RFX3: variants seen among roughly 807,000 people sequenced by gnomAD.
The protein encoded by RFX3 is regulatory factor X3.
A neutral mutation model predicts 98.6 loss-of-function variants in RFX3; 14 were observed. That is an observed-to-expected ratio of 0.14 (90% CI 0.09 to 0.22). RFX3 has a LOEUF of 0.22. Ranked by LOEUF, RFX3 falls within the 10% of genes least tolerant of loss-of-function variation. The probability of loss-of-function intolerance (pLI) is 1.00; values close to 1 mark genes in which losing one functional copy is unlikely to be tolerated. For synonymous variants in RFX3, 383 were observed against 328.4 expected, an observed-to-expected ratio of 1.17 and a Z score of -1.80; for missense variants, 639 against 926.9, an observed-to-expected ratio of 0.69 and a Z score of 4.03.
chr9:3,371,813 C>A (rs956867674), intron 2 of RFX3, among the ~76,000 whole-genome samples: 5 of 152,160 alleles, frequency 3.3e-5, no homozygotes, highest in African/African-American at 1.2e-4. Flanking sequence ...TGGGAACAGA[C>A]ACTTTCAGTA....
intron 1 of RFX3, among the ~76,000 whole-genome samples, chr9:3,398,374 C>T (rs1329467284): frequency 6.6e-6 from 1 of 151,958 alleles, no homozygotes; most frequent in African/African-American, 2.4e-5. Flanking sequence ...AAAGCAAAAG[C>T]CAGGGTCCTT....
At chr9:3,310,065 A>AAAAC (rs1829784454) in intron 4 of RFX3, among the ~76,000 whole-genome samples, 1 of 152,216 alleles carries the variant, frequency 6.6e-6, no homozygotes, top group Non-Finnish European at 1.5e-5. Flanking sequence ...AATCTTCAGT[A>AAAAC]AAACCTATGC....
At chr9:3,289,532 G>A (rs1273685284) in intron 6 of RFX3, among the ~76,000 whole-genome samples, 1 of 152,098 alleles carries the variant, frequency 6.6e-6, no homozygotes, top group Non-Finnish European at 1.5e-5. Context: ...AGGACAGTAG[G>A]GAGTAGAGGT....
intron 1 of RFX3, among the ~76,000 whole-genome samples, chr9:3,419,925 C>T (rs749502349): frequency 1.1e-4 from 16 of 152,120 alleles, no homozygotes; most frequent in Admixed American, 2.0e-4. Context: ...GAAGGCAAAC[C>T]GTAAAATTCC....
intron 1 of RFX3, among the ~76,000 whole-genome samples, chr9:3,432,431 G>C (rs1184684255): frequency 6.6e-6 from 1 of 152,168 alleles, no homozygotes; most frequent in Non-Finnish European, 1.5e-5. Context: ...CACCATTGAA[G>C]AGACCATGGT....
intron 14 of RFX3, among the ~76,000 whole-genome samples, chr9:3,253,026 G>A (rs576153577): frequency 3.8e-4 from 58 of 152,134 alleles, no homozygotes; most frequent in African/African-American, 1.3e-3. Flanking sequence ...TCAGACTTCC[G>A]TAAGAAATGT....
chr9:3,463,924 G>T (rs541246672), intron 1 of RFX3, among the ~76,000 whole-genome samples: 2 of 152,176 alleles, frequency 1.3e-5, no homozygotes, highest in Admixed American at 6.5e-5. Flanking sequence ...AGGGAGCTGT[G>T]ATCATGCCAC....
intron 1 of RFX3, among the ~76,000 whole-genome samples, chr9:3,496,347 G>A (rs1343938996): frequency 6.6e-6 from 1 of 151,890 alleles, no homozygotes; most frequent in Non-Finnish European, 1.5e-5. Context: ...AAATCTGAAT[G>A]AGAGGTCATT....
intron 2 of RFX3, among the ~76,000 whole-genome samples, chr9:3,358,821 G>C (rs1171498888): frequency 6.6e-6 from 1 of 152,026 alleles, no homozygotes; most frequent in Non-Finnish European, 1.5e-5. Flanking sequence ...GCAAACACAA[G>C]TCCTTCTTCA....
intron 9 of RFX3, among the ~76,000 whole-genome samples, chr9:3,271,505 C>T (rs370530872): frequency 2.4e-4 from 35 of 147,570 alleles, no homozygotes; most frequent in African/African-American, 8.5e-4. Flanking sequence ...CCCTTCCTTC[C>T]TTCCTTCCCT....
chr9:3,306,544 T>C (rs916718469), intron 4 of RFX3, among the ~76,000 whole-genome samples: 2 of 129,022 alleles, frequency 1.6e-5, no homozygotes, highest in Non-Finnish European at 1.5e-5. Flanking sequence ...AGTTCTTTAG[T>C]AGAAAATTGA....
chr9:3,264,486 T>C (rs1338494036), intron 12 of RFX3, among the ~76,000 whole-genome samples: 1 of 152,072 alleles, frequency 6.6e-6, no homozygotes, highest in Admixed American at 6.6e-5. Context: ...TCATACGTCC[T>C]CAAAAAAGAA....
At chr9:3,282,895 G>T (rs116999437) in intron 7 of RFX3, among the ~76,000 whole-genome samples, 3,039 of 151,800 alleles carry the variant, frequency 0.02, 42 homozygotes, top group Non-Finnish European at 0.033. Context: ...TTCCTTATCA[G>T]TAAGTAACAA....
At chr9:3,472,859 A>G (rs1472523155) in intron 1 of RFX3, among the ~76,000 whole-genome samples, 1 of 152,170 alleles carries the variant, frequency 6.6e-6, no homozygotes, top group African/African-American at 2.4e-5. Flanking sequence ...TATTTTCTGT[A>G]CATTATGTAG....
intron 1 of RFX3, among the ~76,000 whole-genome samples, chr9:3,477,024 C>G (rs1183348141): frequency 6.6e-6 from 1 of 152,106 alleles, no homozygotes; most frequent in Non-Finnish European, 1.5e-5. Flanking sequence ...ATATATGTCA[C>G]TAGCTCATAG....
chr9:3,325,796 G>C (rs558566401), intron 4 of RFX3, among the ~76,000 whole-genome samples: 11 of 151,946 alleles, frequency 7.2e-5, no homozygotes, highest in Non-Finnish European at 1.5e-4. Context: ...AGTATGTTCA[G>C]GTTCCAAAAC....
intron 1 of RFX3, among the ~76,000 whole-genome samples, chr9:3,491,258 G>A (rs1470169266): frequency 6.6e-6 from 1 of 152,048 alleles, no homozygotes; most frequent in Non-Finnish European, 1.5e-5. Context: ...AATCACAGGT[G>A]TTTGCTGTGT....
chr9:3,279,613 G>C (rs1334085016), intron 7 of RFX3, among the ~76,000 whole-genome samples: 3 of 151,742 alleles, frequency 2.0e-5, no homozygotes, highest in African/African-American at 4.8e-5. Flanking sequence ...AACCATAAAA[G>C]AAAATGACTT....
chr9:3,483,024 C>G (rs780229445), intron 1 of RFX3, among the ~76,000 whole-genome samples: 2 of 152,142 alleles, frequency 1.3e-5, no homozygotes, highest in Non-Finnish European at 2.9e-5. Flanking sequence ...AGCAGTTTAG[C>G]TATTTGCTTC....
Sources: allele counts gnomAD v4.1 joint callset (sites outside exome capture counted in the v4.1 genomes callset), GRCh38; gene constraint gnomAD v4.1.1; transcripts MANE v1.5; gene names NCBI Gene and HGNC (gene_info 2026-07-23, HGNC 2026-07-21).